Variants in UNC5C observed in about 807,000 individuals in gnomAD.
UNC5C encodes unc-5 netrin receptor C.
Under a neutral mutation model 99.8 loss-of-function variants are expected in UNC5C, and 47 were observed. The ratio of observed to expected loss-of-function variants is 0.47; its 90% CI spans 0.37 to 0.60. The LOEUF (loss-of-function observed/expected upper bound fraction) is 0.60. Among genes scored for constraint, UNC5C ranks in the 20% least tolerant of loss-of-function variants. The pLI, the probability that UNC5C is intolerant of heterozygous loss-of-function variation, is 0.00. For synonymous variants in UNC5C, 487 were observed against 452.2 expected (o/e 1.08, Z -0.98); for missense variants, 1,062 against 1,165.9 (o/e 0.91, Z 1.30).
intron 1 of UNC5C, among the ~76,000 whole-genome samples, chr4:95,345,491 C>T (rs774879388): frequency 3.9e-5 from 6 of 152,016 alleles, no homozygotes; most frequent in Non-Finnish European, 8.8e-5. Context: ...TTAATCTAAA[C>T]TATGGACCAA....
At chr4:95,279,141 A>G (rs745720311) in intron 3 of UNC5C, among the ~76,000 whole-genome samples, 1 of 152,182 alleles carries the variant, frequency 6.6e-6, no homozygotes, top group Non-Finnish European at 1.5e-5. Context: ...TTTCCATTTC[A>G]AAGTGGAAAA....
chr4:95,172,555 T>A (rs903397592), intron 14 of UNC5C, among the ~76,000 whole-genome samples: 1 of 151,844 alleles, frequency 6.6e-6, no homozygotes, highest in East Asian at 1.9e-4. Flanking sequence ...GTTGTAGATA[T>A]GCGGCGTTAT....
Position 95,172,990 on chromosome 4 carries a change from C to G in UNC5C, c.2452-2658G>C, listed in dbSNP as rs1736185580. On this transcript the variant is annotated intron_variant, in intron 14 of 15. Coordinates refer to ENST00000453304, the MANE Select transcript of UNC5C (RefSeq NM_003728.4). Reference sequence around the variant, plus strand: ...AAGTTGGATTCCTAAGTATTTTATTCTCTTTGAAGCAATTGTGAATGGGAG... The same window carrying G: ...AAGTTGGATTCCTAAGTATTTTATTGTCTTTGAAGCAATTGTGAATGGGAG... Among the ~76,000 whole-genome samples, 5 of 152,124 alleles carry G rather than the reference C, an allele frequency of 3.3e-5. No homozygotes were observed. The South Asian group carries it at 1.0e-3, about 32-fold the overall frequency.
chr4:95,497,425 C>G (rs909032625), intron 1 of UNC5C, among the ~76,000 whole-genome samples: 1 of 151,920 alleles, frequency 6.6e-6, no homozygotes, highest in African/African-American at 2.4e-5. Context: ...TTCACAAACT[C>G]TTTATTATTA....
chr4:95,182,514 G>C (rs2149350311), intron 14 of UNC5C, among the ~76,000 whole-genome samples: 1 of 152,220 alleles, frequency 6.6e-6, no homozygotes, highest in African/African-American at 2.4e-5. Flanking sequence ...GAAGCAGAAA[G>C]GGAGGAGAGA....
chr4:95,451,796 C>T (rs145103553), intron 1 of UNC5C, among the ~76,000 whole-genome samples: 1,615 of 152,144 alleles, frequency 0.011, 13 homozygotes, highest in Middle Eastern at 0.024. Flanking sequence ...AACATTATAA[C>T]AAATGAGATA....
chr4:95,328,908 C>T (rs1041195684), intron 2 of UNC5C, among the ~76,000 whole-genome samples: 14 of 152,280 alleles, frequency 9.2e-5, no homozygotes, highest in Admixed American at 5.2e-4. Flanking sequence ...CAAAGGCACT[C>T]GCCCCAGCTC....
At position 95,182,973 on chromosome 4, in the gene UNC5C, T is replaced by A; in HGVS notation, c.2375A>T (p.Glu792Val). 6.2e-7 allele frequency: 1 copy of A among 1,613,870 alleles called. No individual in the cohort carries two copies. The highest frequency in any genetic ancestry group is 8.5e-7 in the Non-Finnish European group (1 of 1,179,812). ...TLERFSLNTV[E>V]LVCKLCVRQV... Reference sequence around the variant, plus strand: ...CCGCACACAGAGTTTGCAAACCAGCTCCACTGTGTTCAGGCTAAATCTTTC... The same window carrying A: ...CCGCACACAGAGTTTGCAAACCAGCACCACTGTGTTCAGGCTAAATCTTTC... The change falls in exon 14 of 16, where the codon GAG becomes GTG. Residue 792 changes from glutamate to valine, a missense_variant. Around this residue, in one of 3 missense-constraint regions of UNC5C, gnomAD observed 810 missense variants for 854.5 expected, o/e 0.95. Transcript: ENST00000453304.
chr4:95,267,704 C>T (rs1223468508), intron 4 of UNC5C, among the ~76,000 whole-genome samples: 1 of 151,982 alleles, frequency 6.6e-6, no homozygotes, highest in African/African-American at 2.4e-5. Context: ...TACAAGCAGG[C>T]ACTGCTTATA....
At chr4:95,486,407 C>T (rs184220289) in intron 1 of UNC5C, among the ~76,000 whole-genome samples, 3 of 84,198 alleles carry the variant, frequency 3.6e-5, no homozygotes, top group African/African-American at 8.5e-5. Flanking sequence ...CAAATCATTG[C>T]TGTGTTGATA....
chr4:95,209,941 C>G (rs1738019695), intron 10 of UNC5C, among the ~76,000 whole-genome samples: 1 of 152,114 alleles, frequency 6.6e-6, no homozygotes, highest in South Asian at 2.1e-4. Flanking sequence ...AGGAAGGAGA[C>G]TAGAGTGGAA....
chr4:95,207,564 G>T (rs1236618858), intron 10 of UNC5C, among the ~76,000 whole-genome samples: 1 of 152,140 alleles, frequency 6.6e-6, no homozygotes, highest in Non-Finnish European at 1.5e-5. Flanking sequence ...CAAAGGTATT[G>T]AGTGGATTGC....
At chr4:95,339,737 A>T (rs1056178685) in intron 1 of UNC5C, among the ~76,000 whole-genome samples, 24 of 152,090 alleles carry the variant, frequency 1.6e-4, no homozygotes, top group African/African-American at 5.3e-4. Context: ...AGCTGCTGGT[A>T]TTGACTGCAT....
At chr4:95,370,467 G>T (rs949767323) in intron 1 of UNC5C, among the ~76,000 whole-genome samples, 5 of 152,132 alleles carry the variant, frequency 3.3e-5, no homozygotes, top group Non-Finnish European at 7.3e-5. Flanking sequence ...AAAAATGCTA[G>T]CAGGAAAAGG....
At chr4:95,350,354 G>A (rs1743939941) in intron 1 of UNC5C, among the ~76,000 whole-genome samples, 1 of 152,060 alleles carries the variant, frequency 6.6e-6, no homozygotes, top group Non-Finnish European at 1.5e-5. Flanking sequence ...GGGCATGGTG[G>A]CACATGCCTG....
Position 95,393,863 on chromosome 4 carries a change from T to TTTA in UNC5C, c.125-58233_125-58232insTAA, listed in dbSNP as rs767724274. Among the ~76,000 whole-genome samples, 452 of 146,324 alleles carry TTTA rather than the reference T, an allele frequency of 3.1e-3. 3 individuals are homozygous for TTTA. The highest frequency in any genetic ancestry group is 0.01 in the African/African-American group (415 of 40,232). ...ATACAATCTACTGTTTTTTTTTTTTTAAAAAAAAACAGATTGCTATAAATC... is the reference window on the plus strand; with the variant it reads ...ATACAATCTACTGTTTTTTTTTTTTTTTAAAAAAAAAACAGATTGCTATAAATC... On this transcript the variant is annotated intron_variant, in intron 1 of 15. Transcript: ENST00000453304.
intron 1 of UNC5C, among the ~76,000 whole-genome samples, chr4:95,534,246 C>T (rs905965549): frequency 2.0e-5 from 3 of 152,116 alleles, no homozygotes; most frequent in Non-Finnish European, 4.4e-5. Flanking sequence ...GAAGTGGTGA[C>T]TGAGTTGTCC....
At position 95,278,341 on chromosome 4, in the gene UNC5C, T is replaced by C. The variant is rs1319830598; in HGVS notation, c.512A>G (p.Gln171Arg). 4.3e-6 allele frequency: 7 copies of C among 1,614,072 alleles called. No homozygotes were observed. The highest frequency in any genetic ancestry group is 5.9e-6 in the Non-Finnish European group (7 of 1,179,946). Residue 171 changes from glutamine to arginine, a missense_variant, in exon 4 of 16, where the codon CAG becomes CGG. Physicochemically the swap from Gln to Arg is conservative, Grantham distance 43 (BLOSUM62 1). Coordinates refer to ENST00000453304, the MANE Select transcript of UNC5C (RefSeq NM_003728.4). ...RIAYLRKTFE[Q>R]EPLGKEVSLE... ...AGACACTTCCTTTCCTAGGGGTTCC[T>C]GCTCAAATGTCTTCCGTAGATCTGG...
In UNC5C at chr4:95,166,040, ACT is replaced by A. The variant is rs1735845103; in HGVS notation, c.*3192_*3193del. The stretch of plus-strand genomic sequence containing the variant: ...ATCTGTTTGTCATAAAGGTCCTTGA[ACT>A]CTACAGGTTTTCATTCCCTTCGTCA... On this transcript the variant is annotated 3_prime_UTR_variant, in exon 16 of 16. Transcript: ENST00000453304. 1 of 152,120 alleles carries A rather than the reference ACT, an allele frequency of 6.6e-6. No individual in the cohort carries two copies. The highest frequency in any genetic ancestry group is 2.4e-5 in the African/African-American group (1 of 41,410). 9.4% of individuals were successfully genotyped at this position (152,120 alleles called of 1,614,324 possible). A position where few individuals can be genotyped will look rare whatever the true frequency, so the allele number is the denominator to read the frequency against.
Sources: gnomAD v4.1 joint callset for allele counts (sites outside exome capture counted in the v4.1 genomes callset) on GRCh38, gnomAD v4.1.1 for gene constraint, gnomAD v4.1.1 regional missense constraint, MANE v1.5 for transcripts, NCBI Gene and HGNC (gene_info 2026-07-23, HGNC 2026-07-21) for gene names.